The following ACOT7 variants were observed in gnomAD, a reference collection of about 807,000 sequenced individuals.
ACOT7 encodes the protein cytosolic acyl coenzyme A thioester hydrolase.
Under a neutral mutation model 40.2 loss-of-function variants are expected in ACOT7, and 12 were observed. That is an observed-to-expected ratio of 0.30 (90% CI 0.19 to 0.48). The LOEUF is 0.48. Ranked by LOEUF, ACOT7 falls within the 20% of genes least tolerant of loss-of-function variation. The pLI, the probability that ACOT7 is intolerant of heterozygous loss-of-function variation, is 0.99. For missense variants in ACOT7, 395 were observed against 530.8 expected, an observed-to-expected ratio of 0.74 and a Z score of 2.51; for synonymous variants, 228 against 219.5, an observed-to-expected ratio of 1.04 and a Z score of -0.34.
In ACOT7 at chr1:6,393,471, G is replaced by A; in HGVS notation, c.-72C>T. 2.5e-6 allele frequency: 3 copies of A among 1,182,018 alleles called. No homozygotes were observed. The highest frequency in any genetic ancestry group is 3.2e-6 in the Non-Finnish European group (3 of 946,984). The allele number at this position is 1,182,018 out of a possible 1,614,324, so 73.2% of individuals were successfully genotyped here. On this transcript the variant is annotated 5_prime_UTR_variant, in exon 1 of 9. Transcript: ENST00000361521. ...CTGCGCGCCGGGGGCAATCGAACGC[G>A]GCCTCCCCGCGCCGACCCCGCCCCC...
At chr1:6,380,292 A>T (rs1013120352) in intron 1 of ACOT7, among the ~76,000 whole-genome samples, 1 of 151,506 alleles carries the variant, frequency 6.6e-6, no homozygotes, top group South Asian at 2.1e-4. Flanking sequence ...CAAATGATCT[A>T]TGTGACAAGG....
chr1:6,309,175 A>G (rs1640262297), intron 6 of ACOT7, among the ~76,000 whole-genome samples: 2 of 152,258 alleles, frequency 1.3e-5, no homozygotes, highest in African/African-American at 2.4e-5. Context: ...GGGCTCAGTC[A>G]TGACCTCACA....
At chr1:6,341,696 C>G (rs956468228) in intron 2 of ACOT7, among the ~76,000 whole-genome samples, 33 of 152,100 alleles carry the variant, frequency 2.2e-4, no homozygotes, top group Admixed American at 1.8e-3. Flanking sequence ...GAGCCAAGAT[C>G]GCACCACTGC....
chr1:6,281,100 A>C lies in ACOT7; in HGVS notation c.1014+2T>G. The C allele has an allele frequency of 6.2e-7, 1 of 1,612,926 alleles. No individual in the cohort carries two copies. Among genetic ancestry groups the C allele is most frequent in the South Asian group, 1.1e-5 (1 of 91,044 alleles). ...GCCGCCGTTCCAAGGATGCGCACTCACCACCAGCTGGGGCACAGGCAGCGA... is the reference window on the plus strand; with the variant it reads ...GCCGCCGTTCCAAGGATGCGCACTCCCCACCAGCTGGGGCACAGGCAGCGA... On this transcript the variant is annotated splice_donor_variant, in intron 8 of 8. Transcript: ENST00000361521. LOFTEE classifies it high-confidence loss of function.
chr1:6,360,198 C>T (rs76504447), intron 1 of ACOT7, among the ~76,000 whole-genome samples: 17,027 of 152,306 alleles, frequency 0.11, 1,115 homozygotes, highest in African/African-American at 0.17. Context: ...GTGCTGCCCC[C>T]GCCCAGGGAT....
At chr1:6,308,465 G>C (rs1571294518) in intron 6 of ACOT7, among the ~76,000 whole-genome samples, 1 of 150,052 alleles carries the variant, frequency 6.7e-6, no homozygotes, top group South Asian at 2.1e-4. Flanking sequence ...CAGGTGGAGA[G>C]AACTGCAACA....
intron 7 of ACOT7, among the ~76,000 whole-genome samples, chr1:6,286,378 C>T (rs1280542391): frequency 6.6e-6 from 1 of 152,198 alleles, no homozygotes; most frequent in Non-Finnish European, 1.5e-5. Flanking sequence ...GCAGGTACAG[C>T]AGCCAGGGCC....
At chr1:6,265,378 A>AG (rs1244920453) in intron 8 of ACOT7, among the ~76,000 whole-genome samples, 9 of 152,322 alleles carry the variant, frequency 5.9e-5, no homozygotes, top group African/African-American at 2.2e-4. Flanking sequence ...GGCCTTGAGA[A>AG]GGCCCCGCCC....
At chr1:6,360,638 C>T (rs1463996955) in intron 1 of ACOT7, 1 of 1,614,136 alleles carries the variant, frequency 6.2e-7, no homozygotes, top group African/African-American at 1.3e-5. Flanking sequence ...ACAAGCTTCT[C>T]CGAAGCAGGA....
chr1:6,286,557 G>T (rs1419216598), intron 7 of ACOT7, among the ~76,000 whole-genome samples: 1 of 152,178 alleles, frequency 6.6e-6, no homozygotes, highest in Non-Finnish European at 1.5e-5. Flanking sequence ...TTTAAATCCA[G>T]GCTTGGCCAC....
At chr1:6,316,490 G>T (rs1640499091) in intron 6 of ACOT7, among the ~76,000 whole-genome samples, 1 of 152,178 alleles carries the variant, frequency 6.6e-6, no homozygotes, top group Non-Finnish European at 1.5e-5. Flanking sequence ...GTAGGAAAAA[G>T]AAAAAGAAAC....
intron 5 of ACOT7, among the ~76,000 whole-genome samples, chr1:6,325,289 T>C (rs967583226): frequency 6.6e-6 from 1 of 151,628 alleles, no homozygotes; most frequent in Admixed American, 6.6e-5. Flanking sequence ...TCCCAGCTAC[T>C]GGGGAGGCTG....
chr1:6,367,784 G>A (rs1193374428), intron 1 of ACOT7, among the ~76,000 whole-genome samples: 4 of 152,192 alleles, frequency 2.6e-5, no homozygotes, highest in Non-Finnish European at 4.4e-5. Flanking sequence ...GGCAAGAAGG[G>A]GCATGTTTCA....
intron 1 of ACOT7, among the ~76,000 whole-genome samples, chr1:6,368,260 TGC>T (rs1458357453): frequency 6.6e-6 from 1 of 152,180 alleles, no homozygotes; most frequent in Non-Finnish European, 1.5e-5. Context: ...AGGCTGTTTG[TGC>T]CAGCCTATCC....
At chr1:6,307,543 G>A (rs1640189834) in intron 6 of ACOT7, among the ~76,000 whole-genome samples, 1 of 152,270 alleles carries the variant, frequency 6.6e-6, no homozygotes, top group African/African-American at 2.4e-5. Context: ...TTTCTTCAGA[G>A]ACCTGGAGAA....
Position 6,301,301 on chromosome 1 carries a change from G to A in ACOT7, c.713-6321C>T, listed in dbSNP as rs564679471. The stretch of plus-strand genomic sequence containing the variant: ...GAGTTGTAATCAGCTCCTTCAAACC[G>A]GGGTTTGCCCCATTTATCCAAAAGG... On this transcript the variant is annotated intron_variant, in intron 6 of 8. Coordinates refer to ENST00000361521, the MANE Select transcript of ACOT7 (RefSeq NM_007274.4). The surrounding 1 kb of genome is among the most constrained non-coding windows in gnomAD (Gnocchi z 4.1). 2.2e-4 allele frequency among the ~76,000 whole-genome samples: 33 copies of A among 152,320 alleles called. No homozygotes were observed. Among genetic ancestry groups the A allele is most frequent in the African/African-American group, 6.0e-4 (25 of 41,556 alleles).
At position 6,358,430 on chromosome 1, in the gene ACOT7, G is replaced by A. The variant is rs749860184; in HGVS notation, c.144-8564C>T. Reference sequence around the variant, plus strand: ...GCAGCCCACAGACCCCCCCTCCACCGCAGGTAGGAAGCTCAGCAGCGCTGG... The same window carrying A: ...GCAGCCCACAGACCCCCCCTCCACCACAGGTAGGAAGCTCAGCAGCGCTGG... On this transcript the variant is annotated intron_variant, in intron 1 of 8. Transcript: ENST00000361521. This position sits in a 1 kb window ranked among gnomAD's most constrained non-coding sequence, Gnocchi z 4.1. Among the ~76,000 whole-genome samples, 11 of 152,304 alleles carry A rather than the reference G, an allele frequency of 7.2e-5. No individual in the cohort carries two copies. Among genetic ancestry groups the A allele is most frequent in the African/African-American group, 2.4e-4 (10 of 41,564 alleles).
rs760021475 is a variant in ACOT7 at position 6,327,307 on chromosome 1, A to T, written c.617T>A (p.Leu206His). 6.2e-7 allele frequency: 1 copy of T among 1,614,132 alleles called. No homozygotes were observed. The highest frequency in any genetic ancestry group is 8.5e-7 in the Non-Finnish European group (1 of 1,180,012). The change falls in exon 5 of 9, where the codon CTC (leucine) becomes CAC (histidine). Residue 206 changes from leucine (L) to histidine (H), a missense_variant. Physicochemically the swap from Leu to His is moderately conservative, Grantham distance 99 (BLOSUM62 -3). Transcript: ENST00000361521. ...GTGTCCGCGGCTCTTACCTGGGTTG[A>T]GGACTGGCTGGACGATGTCCCCGTT... ...WRNGDIVQPVLNPEPNTVSYS... is the reference protein window; with the variant it reads ...WRNGDIVQPVHNPEPNTVSYS...
intron 4 of ACOT7, among the ~76,000 whole-genome samples, chr1:6,329,608 A>G (rs1640900293): frequency 6.6e-6 from 1 of 151,920 alleles, no homozygotes; most frequent in Non-Finnish European, 1.5e-5. Context: ...GACACAAGCC[A>G]TGAGGAGAAG....
Sources: gnomAD v4.1 joint callset for allele counts (sites outside exome capture counted in the v4.1 genomes callset) on GRCh38, gnomAD v4.1.1 for gene constraint, Gnocchi (gnomAD v3.1) non-coding constraint, MANE v1.5 for transcripts, NCBI Gene and HGNC (gene_info 2026-07-23, HGNC 2026-07-21) for gene names.